ANKFN1: variants seen among roughly 807,000 people sequenced by gnomAD.
ANKFN1 encodes ankyrin repeat and fibronectin type-III domain-containing protein 1.
ANKFN1 carries 74 observed loss-of-function variants against 108.7 expected under a neutral mutation model. That is an observed-to-expected ratio of 0.68 (90% CI 0.56 to 0.83). ANKFN1 has a LOEUF of 0.83. ANKFN1 is among the 40% of genes least tolerant of loss of function. The pLI is 0.00. For synonymous variants in ANKFN1, 547 were observed against 516.2 expected, an observed-to-expected ratio of 1.06 and a Z score of -0.81; for missense variants, 1,505 against 1,382.3, an observed-to-expected ratio of 1.09 and a Z score of -1.41.
intron 1 of ANKFN1, chr17:56,207,090 C>T (rs753565888): frequency 2.6e-5 from 4 of 152,186 alleles, no homozygotes; most frequent in Non-Finnish European, 4.4e-5. Context: ...TCTTGTTCTA[C>T]TTTTTATATT....
intron 1 of ANKFN1, among the ~76,000 whole-genome samples, chr17:56,167,017 C>T (rs1598167862): frequency 6.6e-6 from 1 of 151,614 alleles, no homozygotes; most frequent in East Asian, 1.9e-4. Context: ...TGTGCCTGGC[C>T]TAGCTTAGAA....
At chr17:56,496,702 G>A (rs1304630966) in intron 19 of ANKFN1, among the ~76,000 whole-genome samples, 3 of 151,888 alleles carry the variant, frequency 2.0e-5, no homozygotes, top group African/African-American at 4.8e-5. Context: ...CAAGATAAAC[G>A]CCTCCTCTCA....
intron 2 of ANKFN1, among the ~76,000 whole-genome samples, chr17:56,220,696 AGGAAAGGGAAAG>A (rs143215264): frequency 1.4e-5 from 2 of 146,682 alleles, no homozygotes; most frequent in Non-Finnish European, 3.0e-5. Context: ...AAGAAAGGAA[AGGAAAGGGAAAG>A]GGAAAGGGAA....
intron 3 of ANKFN1, among the ~76,000 whole-genome samples, chr17:56,235,688 T>C (rs958076834): frequency 2.6e-5 from 4 of 152,150 alleles, no homozygotes; most frequent in Non-Finnish European, 5.9e-5. Flanking sequence ...ATTTCTAGGC[T>C]CCTTATTCTG....
chr17:56,247,382 C>T (rs1340779517), intron 3 of ANKFN1, among the ~76,000 whole-genome samples: 1 of 152,140 alleles, frequency 6.6e-6, no homozygotes, highest in Non-Finnish European at 1.5e-5. Flanking sequence ...AAGTAAGACA[C>T]AGACTTTTCA....
intron 3 of ANKFN1, among the ~76,000 whole-genome samples, chr17:56,294,654 A>G (rs986406225): frequency 2.0e-5 from 3 of 152,254 alleles, no homozygotes; most frequent in Non-Finnish European, 2.9e-5. Context: ...GAATTGTTCA[A>G]ACTGGAACAA....
At chr17:56,325,946 G>A (rs1014160346) in intron 3 of ANKFN1, among the ~76,000 whole-genome samples, 1 of 152,116 alleles carries the variant, frequency 6.6e-6, no homozygotes, top group South Asian at 2.1e-4. Flanking sequence ...AGTTTTCTCC[G>A]CAAGCCGTTT....
intron 8 of ANKFN1, among the ~76,000 whole-genome samples, chr17:56,427,981 C>T (rs1331569427): frequency 6.6e-6 from 1 of 152,088 alleles, no homozygotes; most frequent in East Asian, 1.9e-4. Context: ...GCCTGTAATC[C>T]TAGCACTTTG....
At chr17:56,111,563 C>T (rs1905964509) in intron 4 of ANKFN1, among the ~76,000 whole-genome samples, 1 of 147,970 alleles carries the variant, frequency 6.8e-6, no homozygotes, top group Admixed American at 6.8e-5. Flanking sequence ...AGCTGGATTA[C>T]TAGGAACAAA....
chr17:56,514,811 A>G lies in ANKFN1; in HGVS notation c.*3542A>G, dbSNP rs1367855252. On this transcript the variant is annotated 3_prime_UTR_variant, in exon 21 of 21. Transcript: ENST00000682825. The stretch of plus-strand genomic sequence containing the variant: ...AAGCCTTGTTGTACTCCCCTAAAGA[A>G]ACCTTGTCCAGGAGCCACCTGGCAA... Among the ~76,000 whole-genome samples the G allele has an allele frequency of 6.6e-6, 1 of 152,136 alleles. No homozygotes were observed. The highest frequency in any genetic ancestry group is 2.4e-5 in the African/African-American group (1 of 41,434).
intron 4 of ANKFN1, among the ~76,000 whole-genome samples, chr17:56,053,716 T>G (rs1275341133): frequency 6.6e-6 from 1 of 152,146 alleles, no homozygotes; most frequent in Non-Finnish European, 1.5e-5. Context: ...TAGTTTTTTT[T>G]GAGGAAACTC....
intron 8 of ANKFN1, among the ~76,000 whole-genome samples, chr17:56,421,912 G>A (rs1332551550): frequency 6.6e-6 from 1 of 152,102 alleles, no homozygotes; most frequent in African/African-American, 2.4e-5. Flanking sequence ...ACGAGCTAAG[G>A]GGGGATATAA....
intron 11 of ANKFN1, among the ~76,000 whole-genome samples, chr17:56,453,395 G>A (rs1169790830): frequency 3.3e-5 from 5 of 152,068 alleles, no homozygotes; most frequent in African/African-American, 9.7e-5. Flanking sequence ...GCATTTGCTT[G>A]TTTTTCTATA....
intron 4 of ANKFN1, among the ~76,000 whole-genome samples, chr17:56,148,125 T>C (rs1281108784): frequency 6.6e-6 from 1 of 152,180 alleles, no homozygotes. Flanking sequence ...TTCTTGTAGC[T>C]CTAAGATTTT....
At chr17:56,223,258 G>A (rs1187753097) in intron 2 of ANKFN1, among the ~76,000 whole-genome samples, 1 of 152,124 alleles carries the variant, frequency 6.6e-6, no homozygotes, top group Non-Finnish European at 1.5e-5. Flanking sequence ...TGGAAAACGG[G>A]GGTGTTGGGC....
At chr17:56,218,075 C>T (rs1335906879) in intron 2 of ANKFN1, among the ~76,000 whole-genome samples, 1 of 152,132 alleles carries the variant, frequency 6.6e-6, no homozygotes, top group African/African-American at 2.4e-5. Flanking sequence ...TCATATTGCT[C>T]ATTTCTGTGG....
intron 4 of ANKFN1, among the ~76,000 whole-genome samples, chr17:56,060,502 T>G (rs1432143197): frequency 6.6e-6 from 1 of 152,172 alleles, no homozygotes; most frequent in African/African-American, 2.4e-5. Context: ...GATCCTTTTC[T>G]TGTACCAGTT....
chr17:56,402,856 C>A (rs1373858678), intron 8 of ANKFN1, among the ~76,000 whole-genome samples: 1 of 152,184 alleles, frequency 6.6e-6, no homozygotes, highest in East Asian at 1.9e-4. Flanking sequence ...ATGAACTTTC[C>A]TCTTAGCACC....
chr17:56,187,742 C>T lies in ANKFN1; in HGVS notation c.-70-24856C>T, dbSNP rs546358700. 3.9e-5 allele frequency among the ~76,000 whole-genome samples: 6 copies of T among 152,264 alleles called. No homozygotes were observed. The South Asian group carries it at 1.2e-3, about 32-fold the overall frequency. ...TGTGGCACATATACACTATGGAATA[C>T]TATGCAGCCATAAAAAAGGATGAGT... On this transcript the variant is annotated intron_variant, in intron 1 of 20. Transcript: ENST00000682825.
Sources: allele counts gnomAD v4.1 joint callset (sites outside exome capture counted in the v4.1 genomes callset), GRCh38; gene constraint gnomAD v4.1.1; transcripts MANE v1.5; gene names NCBI Gene and HGNC (gene_info 2026-07-23, HGNC 2026-07-21).